The following FANCM variants were observed in gnomAD, a reference collection of about 807,000 sequenced individuals.
FANCM encodes FA complementation group M.
In FANCM, 140 loss-of-function variants were observed where a neutral mutation model predicts 199.5. That is an observed-to-expected ratio of 0.70 (90% CI 0.61 to 0.81). The LOEUF is 0.81. Ranked by LOEUF, FANCM falls within the 30% of genes least tolerant of loss-of-function variation. The pLI, the probability that FANCM is intolerant of heterozygous loss-of-function variation, is 0.00. For missense variants in FANCM, 2,410 were observed against 2,421.4 expected, an observed-to-expected ratio of 1.00 and a Z score of 0.10; for synonymous variants, 840 against 836.8, an observed-to-expected ratio of 1.00 and a Z score of -0.07.
intron 8 of FANCM, 67 bp downstream of exon 8, chr14:45,155,526 C>A (rs1455165165): frequency 2.4e-6 from 2 of 850,556 alleles, no homozygotes; most frequent in Non-Finnish European, 4.0e-6. Flanking sequence ...TTACTTATGG[C>A]TGGGTGCAGT....
At chr14:45,147,134 T>C (rs1221288557) in intron 3 of FANCM, among the ~76,000 whole-genome samples, 1 of 152,084 alleles carries the variant, frequency 6.6e-6, no homozygotes, top group Non-Finnish European at 1.5e-5. Context: ...TTTTATAAAA[T>C]GGTCACAAAT....
At chr14:45,158,866 T>A (rs1887377306) in intron 8 of FANCM, among the ~76,000 whole-genome samples, 1 of 152,162 alleles carries the variant, frequency 6.6e-6, no homozygotes, top group Admixed American at 6.5e-5. Flanking sequence ...TGGGTCTTGC[T>A]ATGTTATGTT....
chr14:45,187,234 A>G (rs949918345), intron 18 of FANCM, among the ~76,000 whole-genome samples: 3 of 151,418 alleles, frequency 2.0e-5, no homozygotes, highest in Non-Finnish European at 2.9e-5. Context: ...AAGTACCTCG[A>G]AATTCACATT....
rs780836922 is a variant in FANCM, at chr14:45,153,956, A to G, written c.1087A>G (p.Ile363Val). 2.5e-6 allele frequency: 4 copies of G among 1,605,426 alleles called. No homozygotes were observed. The highest frequency in any genetic ancestry group is 2.2e-5 in the East Asian group (1 of 44,790). ...AGGCATAATCGAGGGAGAGTTTGCT[A>G]TTTGTATTAGTTTATATCATGGTTA... ...QQGIIEGEFA[I>V]CISLYHGYEL... The change falls in exon 6 of 23, where the codon ATT becomes GTT. Residue 363 changes from isoleucine to valine, a missense_variant. Transcript: ENST00000267430.
At chr14:45,162,771 C>A (rs1887693872) in intron 9 of FANCM, among the ~76,000 whole-genome samples, 1 of 152,080 alleles carries the variant, frequency 6.6e-6, no homozygotes, top group Non-Finnish European at 1.5e-5. Context: ...ATGGAAGTAA[C>A]AGTTTAGTTT....
chr14:45,138,538 A>C (rs1382207247), intron 2 of FANCM, among the ~76,000 whole-genome samples: 3 of 152,302 alleles, frequency 2.0e-5, no homozygotes, highest in Admixed American at 6.5e-5. Context: ...GGGGCATTTA[A>C]AAAATTTTAG....
chr14:45,149,003 ATT>A lies in FANCM; in HGVS notation c.918+12_918+13del, dbSNP rs1886630892. 6.2e-7 allele frequency: 1 copy of A among 1,606,326 alleles called. No homozygotes were observed. The highest frequency in any genetic ancestry group is 8.5e-7 in the Non-Finnish European group (1 of 1,173,136). ...CAAAAGACCTATATCCAGGTAAACCATTTTTATGACATTTAGGGATTTCATAA... is the reference window on the plus strand; with the variant it reads ...CAAAAGACCTATATCCAGGTAAACCATTTATGACATTTAGGGATTTCATAA... On this transcript the variant is annotated intron_variant, in intron 4 of 22. Coordinates refer to ENST00000267430, the MANE Select transcript of FANCM (RefSeq NM_020937.4).
chr14:45,142,584 G>A (rs373293313), intron 3 of FANCM, among the ~76,000 whole-genome samples: 1 of 152,006 alleles, frequency 6.6e-6, no homozygotes, highest in African/African-American at 2.4e-5. Flanking sequence ...GGGATTACAG[G>A]TGTGAGCCAC....
At chr14:45,137,013 T>C in intron 1 of FANCM, 56 bp from the exon 2 acceptor site, 2 of 1,315,088 alleles carry the variant, frequency 1.5e-6, no homozygotes, top group Middle Eastern at 4.7e-4. Flanking sequence ...AGACTATTTA[T>C]ATTTTATAGA....
chr14:45,170,590 A>G lies in FANCM; in HGVS notation c.2004A>G (p.Gly668=), dbSNP rs751385971. Reference sequence around the variant, plus strand: ...TTCCATTATTTTTTCAACTTATAGGAATGAGGCAAAGTAGCCTAAAGAAAG... The same window carrying G: ...TTCCATTATTTTTTCAACTTATAGGGATGAGGCAAAGTAGCCTAAAGAAAG... ...RKSSIFSYRD[G]MRQSSLKKDW... is the part of the protein sequence containing the mutation. The change falls in exon 12 of 23, where the codon GGA becomes GGG. Residue 668 remains glycine, a splice_region_variant and synonymous_variant. Transcript: ENST00000267430. 1 of 1,594,904 alleles carries G rather than the reference A, an allele frequency of 6.3e-7. No individual in the cohort carries two copies. The highest frequency in any genetic ancestry group is 1.1e-5 in the South Asian group (1 of 90,476).
At chr14:45,136,971 T>C in intron 1 of FANCM, 98 bp from the exon 2 acceptor site, 1 of 924,484 alleles carries the variant, frequency 1.1e-6, no homozygotes, top group Non-Finnish European at 1.7e-6. Flanking sequence ...TCTCTTAATG[T>C]TACCAAAGCA....
At chr14:45,188,317 C>T (rs1209937220) in intron 19 of FANCM, among the ~76,000 whole-genome samples, 5 of 152,092 alleles carry the variant, frequency 3.3e-5, no homozygotes, top group Admixed American at 1.3e-4. Flanking sequence ...CCAGCCTGGG[C>T]GACAAGAGCA....
intron 19 of FANCM, among the ~76,000 whole-genome samples, 168 bp downstream of exon 19, chr14:45,188,055 T>C (rs1423512208): frequency 6.6e-6 from 1 of 152,198 alleles, no homozygotes; most frequent in East Asian, 1.9e-4. Context: ...AGATCCCTTT[T>C]TGGCCATGTG....
chr14:45,171,416 C>T (rs1342914187), intron 12 of FANCM, among the ~76,000 whole-genome samples: 2 of 151,782 alleles, frequency 1.3e-5, no homozygotes, highest in Non-Finnish European at 2.9e-5. Flanking sequence ...GATTTTGGTG[C>T]ACATCATCCG....
intron 12 of FANCM, among the ~76,000 whole-genome samples, chr14:45,171,843 T>C (rs1190941617): frequency 6.6e-6 from 1 of 152,128 alleles, no homozygotes; most frequent in African/African-American, 2.4e-5. Context: ...CTTTTTCATA[T>C]AATGACTTCT....
Position 45,196,245 on chromosome 14 carries a change from C to T in FANCM, c.5414C>T (p.Thr1805Ile), listed in dbSNP as rs2139319201. Residue 1805 changes from threonine to isoleucine, a missense_variant, in exon 21 of 23, where the codon ACA becomes ATA. Transcript: ENST00000267430. ...AAGTCAAGACCACATTTAGCTGGGA[C>T]ACATACTTCTCTTAGACTTCCGCAG... ...CSKSRPHLAG[T>I]HTSLRLPQEG... The T allele has an allele frequency of 6.2e-7, 1 of 1,613,890 alleles. No homozygotes were observed. The highest frequency in any genetic ancestry group is 8.5e-7 in the Non-Finnish European group (1 of 1,179,810).
At chr14:45,159,399 A>G (rs752558348) in intron 9 of FANCM, 119 bp downstream of exon 9, 2 of 676,388 alleles carry the variant, frequency 3.0e-6, no homozygotes, top group Non-Finnish European at 5.1e-6. Flanking sequence ...TTTACAGTAA[A>G]CGTGTAGGTA....
At chr14:45,142,122 C>A (rs2139124984) in intron 3 of FANCM, among the ~76,000 whole-genome samples, 1 of 152,144 alleles carries the variant, frequency 6.6e-6, no homozygotes, top group African/African-American at 2.4e-5. Context: ...TATCATATAA[C>A]CATAATAAAA....
At chr14:45,152,239 G>A (rs1344535936) in intron 5 of FANCM, among the ~76,000 whole-genome samples, 2 of 151,718 alleles carry the variant, frequency 1.3e-5, no homozygotes, top group Admixed American at 6.6e-5. Context: ...CATGTTGGCC[G>A]GGCTGGTCTC....
Sources: allele counts gnomAD v4.1 joint callset (sites outside exome capture counted in the v4.1 genomes callset), GRCh38; gene constraint gnomAD v4.1.1; transcripts MANE v1.5; gene names NCBI Gene and HGNC (gene_info 2026-07-23, HGNC 2026-07-21).